Variants in AK9 observed in about 807,000 individuals in gnomAD.
The protein encoded by AK9 is adenylate kinase 9.
Under a neutral mutation model 239.6 loss-of-function variants are expected in AK9, and 191 were observed. The observed-to-expected ratio is 0.80, with a 90% CI of 0.71 to 0.90. The LOEUF (loss-of-function observed/expected upper bound fraction) is 0.90. Ranked by LOEUF, AK9 falls within the 40% of genes least tolerant of loss-of-function variation. AK9 has a pLI of 0.00. For synonymous variants in AK9, 689 were observed against 721.0 expected (o/e 0.96, Z 0.71); for missense variants, 1,995 against 2,214.7 (o/e 0.90, Z 1.99).
At position 109,509,367 on chromosome 6, in the gene AK9, A is replaced by G; in HGVS notation, c.4293T>C (p.Ile1431=). 1 of 1,548,974 alleles carries G rather than the reference A, an allele frequency of 6.5e-7. No homozygotes were observed. The highest frequency in any genetic ancestry group is 1.4e-5 in the African/African-American group (1 of 72,896). The change falls in exon 33 of 41, where the codon ATT becomes ATC. Residue 1431 remains isoleucine, a synonymous_variant. Transcript: ENST00000424296. The part of the protein sequence containing the change: ...KSGKTTVAKK[I]TSEYGLKHLS... ...AATGCTTTAACCCATATTCACTTGT[A>G]ATTTTTTTGGCAACTGAAAAACATA...
At chr6:109,556,390 T>TG (rs1216469828) in intron 24 of AK9, among the ~76,000 whole-genome samples, 3 of 152,254 alleles carry the variant, frequency 2.0e-5, no homozygotes, top group Non-Finnish European at 4.4e-5. Flanking sequence ...GTTAGTCTGA[T>TG]GGGCTTCCCC....
At chr6:109,588,131 C>G (rs6931678) in intron 17 of AK9, among the ~76,000 whole-genome samples, 1 of 151,082 alleles carries the variant, frequency 6.6e-6, no homozygotes, top group African/African-American at 2.4e-5. Context: ...AGTGCAGTGG[C>G]GCGATCTCGA....
At chr6:109,595,819 G>C (rs1314045120) in intron 17 of AK9, among the ~76,000 whole-genome samples, 1 of 152,114 alleles carries the variant, frequency 6.6e-6, no homozygotes, top group African/African-American at 2.4e-5. Context: ...CATGGACACA[G>C]GGAGGGGAAC....
At chr6:109,675,284 AT>A (rs1771543517) in intron 2 of AK9, among the ~76,000 whole-genome samples, 1 of 152,178 alleles carries the variant, frequency 6.6e-6, no homozygotes, top group African/African-American at 2.4e-5. Flanking sequence ...ATAAAAGCAA[AT>A]TTAAATATAG....
chr6:109,555,901 C>G (rs1388490536), intron 24 of AK9, among the ~76,000 whole-genome samples: 1 of 152,014 alleles, frequency 6.6e-6, no homozygotes, highest in Non-Finnish European at 1.5e-5. Flanking sequence ...CTGTGTGTAT[C>G]TTTGCATGTG....
At chr6:109,682,955 T>G (rs1356214457) in intron 1 of AK9, among the ~76,000 whole-genome samples, 2 of 152,078 alleles carry the variant, frequency 1.3e-5, no homozygotes, top group Non-Finnish European at 2.9e-5. Flanking sequence ...AAAAAGAAAA[T>G]TTCAGGCCAA....
At chr6:109,603,936 G>T (rs1305895005) in intron 17 of AK9, among the ~76,000 whole-genome samples, 1 of 152,198 alleles carries the variant, frequency 6.6e-6, no homozygotes, top group Non-Finnish European at 1.5e-5. Context: ...CAGTATTAGG[G>T]TTGGAGTGAC....
At chr6:109,614,980 G>A (rs760605941) in intron 13 of AK9, among the ~76,000 whole-genome samples, 24 of 152,212 alleles carry the variant, frequency 1.6e-4, no homozygotes, top group Non-Finnish European at 2.9e-4. Flanking sequence ...TGCAGCATAT[G>A]AGAGATAGCA....
chr6:109,601,507 T>C (rs934570312), intron 17 of AK9, among the ~76,000 whole-genome samples: 3 of 152,206 alleles, frequency 2.0e-5, no homozygotes, highest in Non-Finnish European at 2.9e-5. Flanking sequence ...AACTATGTGG[T>C]CAATTTTGGA....
At chr6:109,497,240 T>C (rs1163384545) in intron 38 of AK9, among the ~76,000 whole-genome samples, 1 of 151,560 alleles carries the variant, frequency 6.6e-6, no homozygotes, top group Non-Finnish European at 1.5e-5. Context: ...TTCCCCACCC[T>C]AAAGTCCATC....
In AK9 at chr6:109,641,623, T is replaced by G. The variant is rs776653366; in HGVS notation, c.835-7A>C. 1 of 1,600,634 alleles carries G rather than the reference T, an allele frequency of 6.2e-7. No individual in the cohort carries two copies. The highest frequency in any genetic ancestry group is 8.6e-7 in the Non-Finnish European group (1 of 1,168,072). ...TAAGTCGATCCATAACAATCTAGAT[T>G]TAAAGAACAGATATTTAACTACATT... On this transcript the variant is annotated splice_region_variant and splice_polypyrimidine_tract_variant and intron_variant, in intron 9 of 40. Transcript: ENST00000424296.
chr6:109,497,421 G>A, intron 38 of AK9, 44 bp downstream of exon 38: 1 of 1,279,936 alleles, frequency 7.8e-7, no homozygotes, highest in African/African-American at 1.5e-5. Context: ...CATGTTGCAT[G>A]CAACACAGAT....
chr6:109,559,008 C>T lies in AK9; in HGVS notation c.2751+4589G>A, dbSNP rs187137934. Among the ~76,000 whole-genome samples, 318 of 151,824 alleles carry T rather than the reference C, an allele frequency of 2.1e-3. 1 individual carries two copies. Among genetic ancestry groups the T allele is most frequent in the African/African-American group, 6.9e-3 (287 of 41,394 alleles). ...CTGGGATTACAGGCATACACCACCA[C>T]GCCCGGCTCATTTTTATATTTTCAA... is the stretch of plus-strand genomic sequence containing the variant. On this transcript the variant is annotated intron_variant, in intron 24 of 40. Coordinates refer to ENST00000424296, the MANE Select transcript of AK9 (RefSeq NM_001145128.3).
intron 27 of AK9, among the ~76,000 whole-genome samples, chr6:109,537,084 G>A (rs766770743): frequency 4.6e-5 from 7 of 152,120 alleles, no homozygotes; most frequent in Admixed American, 1.3e-4. Context: ...TTGTGTCTCT[G>A]CCAGGCTTTG....
chr6:109,624,584 A>G (rs998284992), intron 12 of AK9, among the ~76,000 whole-genome samples: 1 of 152,122 alleles, frequency 6.6e-6, no homozygotes, highest in Non-Finnish European at 1.5e-5. Context: ...AGTCCTTTCC[A>G]TGGGACCTAG....
At chr6:109,516,192 T>G in intron 30 of AK9, 117 bp from the exon 31 acceptor site, 1 of 1,019,820 alleles carries the variant, frequency 9.8e-7, no homozygotes, top group Non-Finnish European at 1.4e-6. Context: ...CACAAATATT[T>G]TTCAGCTTCC....
At chr6:109,543,146 C>T (rs1783105693) in intron 26 of AK9, among the ~76,000 whole-genome samples, 1 of 152,120 alleles carries the variant, frequency 6.6e-6, no homozygotes, top group Non-Finnish European at 1.5e-5. Context: ...GGTCAAGTCT[C>T]TCTAAAGTAG....
At chr6:109,600,976 T>C (rs1215992545) in intron 17 of AK9, among the ~76,000 whole-genome samples, 2 of 152,168 alleles carry the variant, frequency 1.3e-5, no homozygotes, top group South Asian at 2.1e-4. Flanking sequence ...TTTTCTTCTT[T>C]ATTAGTCTTG....
chr6:109,687,976 G>C (rs1440703596), intron 1 of AK9, among the ~76,000 whole-genome samples: 1 of 152,152 alleles, frequency 6.6e-6, no homozygotes, highest in Non-Finnish European at 1.5e-5. Flanking sequence ...CTTTGCTTCT[G>C]GTCACCTCAA....
Sources: allele counts gnomAD v4.1 joint callset (sites outside exome capture counted in the v4.1 genomes callset), GRCh38; gene constraint gnomAD v4.1.1; transcripts MANE v1.5; gene names NCBI Gene and HGNC (gene_info 2026-07-23, HGNC 2026-07-21).